The following OLFM3 variants were observed in gnomAD, a reference collection of about 807,000 sequenced individuals.
OLFM3 encodes olfactomedin 3.
Under a neutral mutation model 48.6 loss-of-function variants are expected in OLFM3, and 20 were observed. The ratio of observed to expected loss-of-function variants is 0.41; its 90% CI spans 0.29 to 0.60. OLFM3 has a LOEUF of 0.60. Among genes scored for constraint, OLFM3 ranks in the 20% least tolerant of loss-of-function variants. OLFM3 has a pLI of 0.28. For synonymous variants in OLFM3, 222 were observed against 198.1 expected (o/e 1.12, Z -1.01); for missense variants, 437 against 544.3 (o/e 0.80, Z 1.96).
intron 1 of OLFM3, among the ~76,000 whole-genome samples, chr1:101,863,623 C>T (rs74586028): frequency 0.035 from 5,393 of 152,100 alleles, 142 homozygotes; most frequent in Non-Finnish European, 0.054. Flanking sequence ...AAAGTAAGGA[C>T]GCTTATTCGT....
intron 4 of OLFM3, among the ~76,000 whole-genome samples, chr1:101,824,661 C>G (rs947173368): frequency 2.6e-5 from 4 of 150,954 alleles, no homozygotes; most frequent in African/African-American, 9.7e-5. Flanking sequence ...ACAACAACAA[C>G]AACAACAACA....
At chr1:101,911,493 C>T (rs1444386727) in intron 1 of OLFM3, among the ~76,000 whole-genome samples, 1 of 152,040 alleles carries the variant, frequency 6.6e-6, no homozygotes, top group African/African-American at 2.4e-5. Context: ...ACATGGCTAC[C>T]TATTATAATA....
intron 1 of OLFM3, among the ~76,000 whole-genome samples, chr1:101,928,393 C>T (rs948759918): frequency 6.6e-6 from 1 of 152,088 alleles, no homozygotes; most frequent in African/African-American, 2.4e-5. Context: ...TTGAATTTGG[C>T]AAGATCTACA....
At chr1:101,812,326 A>C (rs1557683622) in intron 4 of OLFM3, 8 of 691,292 alleles carry the variant, frequency 1.2e-5, no homozygotes, top group Non-Finnish European at 1.4e-5. Context: ...TTAGAACTTA[A>C]AGTGTAATTT....
intron 1 of OLFM3, among the ~76,000 whole-genome samples, chr1:101,887,739 A>G: frequency 6.6e-6 from 1 of 152,068 alleles, no homozygotes. Context: ...AAGTGAAAAG[A>G]GGATAATCTT....
chr1:101,914,481 C>CA (rs1490598622), intron 1 of OLFM3, among the ~76,000 whole-genome samples: 1 of 152,182 alleles, frequency 6.6e-6, no homozygotes, highest in Non-Finnish European at 1.5e-5. Flanking sequence ...GTCTGAGTCC[C>CA]AAATTCAGAG....
At chr1:101,955,801 T>C (rs1357665642) in intron 1 of OLFM3, among the ~76,000 whole-genome samples, 1 of 151,922 alleles carries the variant, frequency 6.6e-6, no homozygotes, top group Non-Finnish European at 1.5e-5. Context: ...ATGCTATACA[T>C]AGTTACATCT....
At chr1:101,864,935 C>T (rs964010842) in intron 1 of OLFM3, among the ~76,000 whole-genome samples, 4 of 152,198 alleles carry the variant, frequency 2.6e-5, no homozygotes, top group African/African-American at 9.6e-5. Flanking sequence ...AAAACAGTTT[C>T]TCAGGATTCT....
intron 1 of OLFM3, among the ~76,000 whole-genome samples, chr1:101,897,085 T>C (rs1658234645): frequency 6.6e-6 from 1 of 152,148 alleles, no homozygotes; most frequent in South Asian, 2.1e-4. Context: ...GAAATCCTGA[T>C]CTAGATAATT....
intron 1 of OLFM3, among the ~76,000 whole-genome samples, chr1:101,855,311 G>C (rs1656371888): frequency 6.6e-6 from 1 of 151,928 alleles, no homozygotes; most frequent in African/African-American, 2.4e-5. Flanking sequence ...TTATAGTTAA[G>C]GAACAGAGAC....
chr1:101,996,762 A>T lies in OLFM3; in HGVS notation c.55T>A (p.Leu19Ile). 6.2e-7 allele frequency: 1 copy of T among 1,614,238 alleles called. No homozygotes were observed. Among genetic ancestry groups the T allele is most frequent in the Non-Finnish European group, 8.5e-7 (1 of 1,180,036 alleles). ...NLLLLSLFAG[L>I]DPSKTQISPK... ...ATTGTTCATACCTTGGAAGGATCTA[A>T]TCCGGCAAACAAAGACAGCAGCAGG... Residue 19 changes from leucine (L) to isoleucine (I), a missense_variant, in exon 1 of 6, where the codon TTA becomes ATA. Around this residue, in one of 3 missense-constraint regions of OLFM3, gnomAD observed 314 missense variants for 365.5 expected, o/e 0.86. Transcript: ENST00000370103.
intron 1 of OLFM3, among the ~76,000 whole-genome samples, chr1:101,965,127 G>A (rs935510290): frequency 6.6e-6 from 1 of 152,098 alleles, no homozygotes; most frequent in Non-Finnish European, 1.5e-5. Context: ...GGGTACTAAA[G>A]GACCCCAGGA....
chr1:101,956,001 A>G (rs1660276620), intron 1 of OLFM3, among the ~76,000 whole-genome samples: 1 of 150,832 alleles, frequency 6.6e-6, no homozygotes, highest in Admixed American at 6.6e-5. Context: ...TTCTCAGTTT[A>G]TACATTACTG....
At chr1:101,853,807 T>C (rs951056077) in intron 1 of OLFM3, among the ~76,000 whole-genome samples, 2 of 152,082 alleles carry the variant, frequency 1.3e-5, no homozygotes, top group Non-Finnish European at 2.9e-5. Flanking sequence ...GGGTAATGGA[T>C]AGTGAAAAGT....
intron 1 of OLFM3, among the ~76,000 whole-genome samples, chr1:101,861,351 C>T (rs186532119): frequency 6.6e-6 from 1 of 150,498 alleles, no homozygotes; most frequent in Admixed American, 6.6e-5. Flanking sequence ...CATGAGCCAC[C>T]GTGCCCGGAG....
intron 2 of OLFM3, among the ~76,000 whole-genome samples, chr1:101,832,542 A>G (rs1655211429): frequency 6.6e-6 from 1 of 152,090 alleles, no homozygotes; most frequent in African/African-American, 2.4e-5. Context: ...CTTAAAACTA[A>G]TTGTGTTATG....
chr1:101,950,118 C>T (rs575388305), intron 1 of OLFM3, among the ~76,000 whole-genome samples: 14 of 151,948 alleles, frequency 9.2e-5, no homozygotes, highest in African/African-American at 3.4e-4. Flanking sequence ...TATTTAAGGC[C>T]ATTTGGGATC....
At chr1:101,847,090 C>A in intron 1 of OLFM3, 1 of 1,386,834 alleles carries the variant, frequency 7.2e-7, no homozygotes. Flanking sequence ...TCAACTTCCC[C>A]AGCTCTAATC....
intron 1 of OLFM3, among the ~76,000 whole-genome samples, chr1:101,850,737 A>C (rs6695052): frequency 0.28 from 42,401 of 152,072 alleles, 6,861 homozygotes; most frequent in Non-Finnish European, 0.38. Context: ...AAATGAGAAG[A>C]GACTTAGATT....
Sources: gnomAD v4.1 joint callset for allele counts (sites outside exome capture counted in the v4.1 genomes callset) on GRCh38, gnomAD v4.1.1 for gene constraint, gnomAD v4.1.1 regional missense constraint, MANE v1.5 for transcripts, NCBI Gene and HGNC (gene_info 2026-07-23, HGNC 2026-07-21) for gene names.